The following TP63 variants were observed in gnomAD, a reference collection of about 807,000 sequenced individuals.
The protein encoded by TP63 is tumor protein 63.
Under a neutral mutation model 82.8 loss-of-function variants are expected in TP63, and 17 were observed. That is an observed-to-expected ratio of 0.21 (90% CI 0.14 to 0.31). TP63 has a LOEUF of 0.31. Among genes scored for constraint, TP63 ranks in the 10% least tolerant of loss-of-function variants. The probability of loss-of-function intolerance (pLI) is 1.00; values close to 1 mark genes in which losing one functional copy is unlikely to be tolerated. For synonymous variants in TP63, 330 were observed against 321.7 expected, an observed-to-expected ratio of 1.03 and a Z score of -0.28; for missense variants, 648 against 895.3, an observed-to-expected ratio of 0.72 and a Z score of 3.52.
chr3:189,736,132 ATT>A (rs1720575265), intron 1 of TP63, among the ~76,000 whole-genome samples: 1 of 148,456 alleles, frequency 6.7e-6, no homozygotes, highest in African/African-American at 2.4e-5. Context: ...AATGATATAT[ATT>A]TATATCATTT....
rs185139070 is a variant in TP63, at chr3:189,888,003, T to A, written c.1508-1337T>A. 4.5e-4 allele frequency among the ~76,000 whole-genome samples: 69 copies of A among 152,180 alleles called. 1 individual carries two copies. In the East Asian group the frequency reaches 0.012, roughly 26 times the overall value. On this transcript the variant is annotated intron_variant, in intron 11 of 13. Coordinates refer to ENST00000264731, the MANE Select transcript of TP63 (RefSeq NM_003722.5). ...TCCCGAATAGCTGGGATTACAGGCGTGCACCACCACGCCCGGCTAATTTTT... is the reference window on the plus strand; with the variant it reads ...TCCCGAATAGCTGGGATTACAGGCGAGCACCACCACGCCCGGCTAATTTTT...
chr3:189,618,955 G>A, the TP63 span, among the ~76,000 whole-genome samples: 2 of 151,962 alleles, frequency 1.3e-5, no homozygotes, highest in African/African-American at 4.8e-5. Flanking sequence ...CCCTATGCAC[G>A]GTGGTTCTTA....
chr3:189,817,190 G>T (rs1728281360), intron 4 of TP63, among the ~76,000 whole-genome samples: 1 of 152,172 alleles, frequency 6.6e-6, no homozygotes, highest in Non-Finnish European at 1.5e-5. Flanking sequence ...TGTTCAGCCA[G>T]TATCATCTGC....
At chr3:189,759,047 G>T (rs1034016616) in intron 3 of TP63, among the ~76,000 whole-genome samples, 2 of 152,174 alleles carry the variant, frequency 1.3e-5, no homozygotes, top group African/African-American at 2.4e-5. Context: ...GATTAAGAGC[G>T]TGGGCTTTGC....
chr3:189,653,284 T>C (rs1713054770), intron 1 of TP63, among the ~76,000 whole-genome samples: 1 of 152,192 alleles, frequency 6.6e-6, no homozygotes, highest in African/African-American at 2.4e-5. Flanking sequence ...TTCTCTCTTG[T>C]GGTTTCTCGA....
chr3:189,707,606 T>C (rs1036811211), intron 1 of TP63, among the ~76,000 whole-genome samples: 2 of 152,176 alleles, frequency 1.3e-5, no homozygotes, highest in South Asian at 2.1e-4. Context: ...ACATATGTCA[T>C]AGTAAAACCT....
intron 4 of TP63, among the ~76,000 whole-genome samples, chr3:189,817,862 A>G (rs921634348): frequency 1.3e-5 from 2 of 152,088 alleles, no homozygotes; most frequent in East Asian, 3.9e-4. Context: ...CAGAACCAGT[A>G]AAAAGTTTTA....
chr3:189,845,793 C>T lies in TP63; in HGVS notation c.580-18439C>T, dbSNP rs754804795. The stretch of plus-strand genomic sequence containing the variant: ...TAGAATTAATGATTTTTTTTTGTTC[C>T]GTGAGAGTTTATTTCATCCATAGTC... On this transcript the variant is annotated intron_variant, in intron 4 of 13. Coordinates refer to ENST00000264731, the MANE Select transcript of TP63 (RefSeq NM_003722.5). Among the ~76,000 whole-genome samples the T allele has an allele frequency of 7.0e-4, 105 of 149,892 alleles. 1 individual carries two copies. Among genetic ancestry groups the T allele is most frequent in the Non-Finnish European group, 1.4e-3 (95 of 67,550 alleles).
rs1000241971 is a variant in TP63 at position 189,793,104 on chromosome 3, C to G, written c.325-15168C>G. Among the ~76,000 whole-genome samples the G allele has an allele frequency of 5.9e-5, 9 of 152,048 alleles. No individual in the cohort carries two copies. The East Asian group carries it at 1.7e-3, about 29-fold the overall frequency. ...GCCAGGTCGTATTCCTCACTCCATG[C>G]TGTTGCCATAGATTGCACTACTTGT... On this transcript the variant is annotated intron_variant, in intron 3 of 13. Coordinates refer to ENST00000264731, the MANE Select transcript of TP63 (RefSeq NM_003722.5).
chr3:189,790,007 A>ATTTT (rs557500463), intron 3 of TP63, among the ~76,000 whole-genome samples: 1 of 145,822 alleles, frequency 6.9e-6, no homozygotes, highest in Non-Finnish European at 1.5e-5. Context: ...TGGCTGTAAG[A>ATTTT]TTTTTTTTTT....
At chr3:189,757,706 A>G (rs556238830) in intron 3 of TP63, among the ~76,000 whole-genome samples, 1 of 152,346 alleles carries the variant, frequency 6.6e-6, no homozygotes, top group South Asian at 2.1e-4. Context: ...CTAGTCAGAC[A>G]TGAGCAGGAC....
intron 1 of TP63, among the ~76,000 whole-genome samples, chr3:189,653,705 T>G (rs1713086433): frequency 6.6e-6 from 1 of 152,230 alleles, no homozygotes; most frequent in Non-Finnish European, 1.5e-5. Context: ...ACTAGACCTT[T>G]GTGAATATAT....
rs142195310 is a variant in TP63 at position 189,868,041 on chromosome 3, C to G, written c.992+99C>G. 4.1e-6 allele frequency: 4 copies of G among 964,416 alleles called. No individual in the cohort carries two copies. The Admixed American group carries it at 8.0e-5, about 19-fold the overall frequency. 59.7% of individuals were successfully genotyped at this position (964,416 alleles called of 1,614,324 possible). ...TTTATCATTAATTTTGCATGTGCAG[C>G]GGAGAGCTTGTCCTTTGTGCTCTAA... is the stretch of plus-strand genomic sequence containing the variant. On this transcript the variant is annotated intron_variant, in intron 7 of 13. Transcript: ENST00000264731.
intron 4 of TP63, among the ~76,000 whole-genome samples, chr3:189,852,069 T>A (rs1461910359): frequency 6.6e-6 from 1 of 152,136 alleles, no homozygotes; most frequent in Non-Finnish European, 1.5e-5. Flanking sequence ...ATGGGAGTAC[T>A]CAGTTAAGAC....
rs201844956 is a variant in TP63, at chr3:189,875,589, CATACATATATATATATATATATAT to C, written c.1349+2598_1349+2621del. On this transcript the variant is annotated intron_variant, in intron 10 of 13. Transcript: ENST00000264731. ...TCAAAAAGAAAAAGAAAAAAAAATA[CATACATATATATATATATATATAT>C]ATATATATATATATATATATATATA... Among the ~76,000 whole-genome samples the C allele has an allele frequency of 4.0e-3, 177 of 44,424 alleles. 17 individuals are homozygous for C. Among genetic ancestry groups the C allele is most frequent in the East Asian group, 0.029 (36 of 1,240 alleles). 29.1% of individuals were successfully genotyped at this position (44,424 alleles called of 152,430 possible). A position where few individuals can be genotyped will look rare whatever the true frequency, so the allele number is the denominator to read the frequency against.
At chr3:189,716,057 A>AT (rs1017401634) in intron 1 of TP63, among the ~76,000 whole-genome samples, 3 of 152,216 alleles carry the variant, frequency 2.0e-5, no homozygotes, top group Admixed American at 2.0e-4. Flanking sequence ...CACATTAAAT[A>AT]TTTTTATTCC....
chr3:189,679,435 G>C (rs894087249), intron 1 of TP63, among the ~76,000 whole-genome samples: 6 of 151,890 alleles, frequency 4.0e-5, no homozygotes, highest in African/African-American at 1.2e-4. Context: ...GACTGTTTTT[G>C]AGAAATGTCT....
chr3:189,798,188 T>C (rs1725916645), intron 3 of TP63, among the ~76,000 whole-genome samples: 1 of 152,096 alleles, frequency 6.6e-6, no homozygotes, highest in Admixed American at 6.6e-5. Flanking sequence ...GTGTATTGTA[T>C]ATACTTAAAA....
At chr3:189,857,673 C>A (rs924949463) in intron 4 of TP63, among the ~76,000 whole-genome samples, 3 of 152,056 alleles carry the variant, frequency 2.0e-5, no homozygotes, top group African/African-American at 4.8e-5. Context: ...TACCCCAAAT[C>A]GCCAAAATAA....
Sources: allele counts gnomAD v4.1 joint callset (sites outside exome capture counted in the v4.1 genomes callset), GRCh38; gene constraint gnomAD v4.1.1; transcripts MANE v1.5; gene names NCBI Gene and HGNC (gene_info 2026-07-23, HGNC 2026-07-21).